The following WDR7 variants were observed in gnomAD, a reference collection of about 807,000 sequenced individuals.
The protein encoded by WDR7 is WD repeat-containing protein 7.
WDR7 carries 46 observed loss-of-function variants against 169.4 expected under a neutral mutation model. The ratio of observed to expected loss-of-function variants is 0.27; its 90% confidence interval spans 0.21 to 0.35. The LOEUF is 0.35. Among genes scored for constraint, WDR7 ranks in the 10% least tolerant of loss-of-function variants. The probability of loss-of-function intolerance (pLI) is 1.00; values close to 1 mark genes in which losing one functional copy is unlikely to be tolerated. For synonymous variants in WDR7, 612 were observed against 666.8 expected (o/e 0.92, Z 1.27); for missense variants, 1,534 against 1,859.3 (o/e 0.83, Z 3.22).
intron 14 of WDR7, among the ~76,000 whole-genome samples, chr18:56,738,354 G>C (rs918033199): frequency 1.3e-5 from 2 of 152,148 alleles, no homozygotes; most frequent in Admixed American, 6.5e-5. Context: ...CGGATCGTTT[G>C]AATCAGGAGT....
chr18:56,799,513 G>A (rs2044638347), intron 19 of WDR7, among the ~76,000 whole-genome samples: 1 of 151,664 alleles, frequency 6.6e-6, no homozygotes, highest in Non-Finnish European at 1.5e-5. Context: ...GTGCTGTGGG[G>A]GTCATAAAAG....
intron 18 of WDR7, among the ~76,000 whole-genome samples, chr18:56,780,594 G>A (rs973587680): frequency 8.5e-5 from 13 of 152,098 alleles, no homozygotes; most frequent in South Asian, 2.1e-4. Context: ...CCAGGTGGGT[G>A]AGACCAGCCT....
chr18:56,652,538 C>T (rs1005614570), intron 1 of WDR7, among the ~76,000 whole-genome samples: 3 of 152,126 alleles, frequency 2.0e-5, no homozygotes, highest in Non-Finnish European at 4.4e-5. Context: ...TGAAGGTCAG[C>T]TTAAAAGTGA....
chr18:56,795,110 T>G (rs2044561087), intron 19 of WDR7, among the ~76,000 whole-genome samples: 1 of 152,234 alleles, frequency 6.6e-6, no homozygotes, highest in Non-Finnish European at 1.5e-5. Context: ...AATATTAATA[T>G]GAATTCATGG....
chr18:56,719,511 A>G (rs545242662), intron 13 of WDR7, among the ~76,000 whole-genome samples: 11 of 150,822 alleles, frequency 7.3e-5, no homozygotes, highest in Admixed American at 1.3e-4. Context: ...GCAGTGAGCC[A>G]AGATCGCGCC....
chr18:56,838,631 G>A (rs2164651), intron 20 of WDR7, among the ~76,000 whole-genome samples: 14,233 of 152,156 alleles, frequency 0.094, 1,684 homozygotes, highest in African/African-American at 0.28. Flanking sequence ...TAATTTTGCT[G>A]TATATACTCA....
At chr18:56,877,469 G>A (rs917952366) in intron 20 of WDR7, among the ~76,000 whole-genome samples, 5 of 152,266 alleles carry the variant, frequency 3.3e-5, no homozygotes, top group African/African-American at 7.2e-5. Context: ...GATGGAAGGG[G>A]GACCTCAGGG....
intron 19 of WDR7, among the ~76,000 whole-genome samples, chr18:56,789,551 C>G (rs1260189864): frequency 6.6e-6 from 1 of 152,202 alleles, no homozygotes; most frequent in Non-Finnish European, 1.5e-5. Flanking sequence ...GAAATTCAAT[C>G]ACATGTCCCT....
In WDR7 at chr18:56,867,993, A is replaced by G. The variant is rs536830889; in HGVS notation, c.3305-11951A>G. On this transcript the variant is annotated intron_variant, in intron 20 of 27. Transcript: ENST00000254442. ...AGGTATATAGTAAAAGAAATTATGT[A>G]TATAGAAAAAGGTCTATGAAAAAAA... Among the ~76,000 whole-genome samples, 56 of 152,316 alleles carry G rather than the reference A, an allele frequency of 3.7e-4. No individual in the cohort carries two copies. The South Asian group carries it at 0.012, about 32-fold the overall frequency.
At chr18:56,757,400 A>ACC in intron 15 of WDR7, 48 bp downstream of exon 15, 1 of 1,475,142 alleles carries the variant, frequency 6.8e-7, no homozygotes, top group Non-Finnish European at 9.0e-7. Flanking sequence ...AAAAAAAGAA[A>ACC]CCTGTTTTAT....
At chr18:56,844,865 A>G (rs1053276183) in intron 20 of WDR7, among the ~76,000 whole-genome samples, 2 of 152,194 alleles carry the variant, frequency 1.3e-5, no homozygotes, top group Admixed American at 6.5e-5. Context: ...TCAGTTACTC[A>G]TGGTACAATA....
chr18:56,780,106 G>A (rs545804585), intron 18 of WDR7, among the ~76,000 whole-genome samples: 1 of 152,192 alleles, frequency 6.6e-6, no homozygotes, highest in African/African-American at 2.4e-5. Context: ...ATTGCCGTCA[G>A]GATCAAATCA....
rs2046086632 is a variant in WDR7 at position 56,880,252 on chromosome 18, G to A, written c.3526+87G>A. The A allele has an allele frequency of 4.6e-6, 6 of 1,300,846 alleles. No homozygotes were observed. The South Asian group carries it at 8.6e-5, about 19-fold the overall frequency. The allele number at this position is 1,300,846 out of a possible 1,614,324, so 80.6% of individuals were successfully genotyped here. ...AATCTCATAACATTGACTATATCCT[G>A]AGTTTTAGCTCATTTAGATTGCTTG... On this transcript the variant is annotated intron_variant, in intron 21 of 27. Coordinates refer to ENST00000254442, the MANE Select transcript of WDR7 (RefSeq NM_015285.3).
chr18:56,763,767 T>C (rs551178872), intron 16 of WDR7, among the ~76,000 whole-genome samples: 2 of 152,184 alleles, frequency 1.3e-5, no homozygotes, highest in Non-Finnish European at 2.9e-5. Context: ...ATTATAGATA[T>C]AGGGCTATTC....
intron 25 of WDR7, among the ~76,000 whole-genome samples, chr18:56,940,341 A>G (rs111643474): frequency 2.6e-5 from 4 of 152,344 alleles, no homozygotes; most frequent in East Asian, 1.9e-4. Context: ...ATTGTACTCT[A>G]TGAGCCTTCG....
intron 1 of WDR7, among the ~76,000 whole-genome samples, chr18:56,658,315 G>A (rs2024824334): frequency 6.6e-6 from 1 of 152,026 alleles, no homozygotes; most frequent in African/African-American, 2.4e-5. Context: ...TGTTGGCCTG[G>A]CTGGTCTCAA....
At chr18:56,919,254 A>G (rs2046674434) in intron 21 of WDR7, among the ~76,000 whole-genome samples, 1 of 152,160 alleles carries the variant, frequency 6.6e-6, no homozygotes, top group African/African-American at 2.4e-5. Context: ...GGCCAATGAA[A>G]TATGTAATTA....
intron 14 of WDR7, among the ~76,000 whole-genome samples, chr18:56,752,722 G>C (rs932974274): frequency 1.3e-5 from 2 of 152,134 alleles, no homozygotes; most frequent in Non-Finnish European, 2.9e-5. Context: ...ATGCTTAACT[G>C]TAGTATAGAA....
intron 1 of WDR7, among the ~76,000 whole-genome samples, chr18:56,669,079 A>G (rs577189302): frequency 2.5e-4 from 38 of 152,142 alleles, no homozygotes; most frequent in Non-Finnish European, 5.1e-4. Context: ...TCAAGATCAC[A>G]TAGAAGGGCC....
Sources: allele counts gnomAD v4.1 joint callset (sites outside exome capture counted in the v4.1 genomes callset), GRCh38; gene constraint gnomAD v4.1.1; transcripts MANE v1.5; gene names NCBI Gene and HGNC (gene_info 2026-07-23, HGNC 2026-07-21).